The following NECAP1 variants were observed in gnomAD, a reference collection of about 807,000 sequenced individuals.
NECAP1 encodes NECAP endocytosis associated 1, also known as adaptin ear-binding coat-associated protein 1.
NECAP1 carries 13 observed loss-of-function variants against 33.4 expected under a neutral mutation model. The observed-to-expected ratio is 0.39, with a 90% CI of 0.25 to 0.62. The LOEUF (loss-of-function observed/expected upper bound fraction) is 0.62, where lower values mean the gene tolerates loss of function less well. Among genes scored for constraint, NECAP1 ranks in the 20% least tolerant of loss-of-function variants. The pLI, the probability that NECAP1 is intolerant of heterozygous loss-of-function variation, is 0.52. For synonymous variants in NECAP1, 109 were observed against 125.2 expected, an observed-to-expected ratio of 0.87 and a Z score of 0.86; for missense variants, 272 against 347.4, an observed-to-expected ratio of 0.78 and a Z score of 1.73.
In NECAP1 at chr12:8,095,638, G is replaced by A. The variant is rs759118416; in HGVS notation, c.714G>A (p.Thr238=). ...ATTTGGATTCTCCTGCTCCTGTCAC[G>A]ACACCAGCACCAACTCCAGTTTCTG... is the stretch of plus-strand genomic sequence containing the variant. ...LLDLDSPAPV[T]TPAPTPVSVS... The change falls in exon 7 of 8, where the codon ACG becomes ACA. Residue 238 remains threonine (T), a synonymous_variant. Transcript: ENST00000339754. The A allele has an allele frequency of 3.2e-5, 52 of 1,613,692 alleles. No individual in the cohort carries two copies. In the Admixed American group the frequency reaches 7.2e-4, roughly 22 times the overall value.
chr12:8,090,973 T>C (rs1441940414), intron 3 of NECAP1: 1 of 152,590 alleles, frequency 6.6e-6, no homozygotes, highest in African/African-American at 2.4e-5. Flanking sequence ...GTTTTGCAGG[T>C]CAGGTGGCCT....
chr12:8,087,461 A>C (rs774907988), intron 1 of NECAP1, among the ~76,000 whole-genome samples: 6 of 151,152 alleles, frequency 4.0e-5, no homozygotes, highest in Non-Finnish European at 8.8e-5. Flanking sequence ...ATCGGACACT[A>C]GATACACAAG....
intron 2 of NECAP1, 75 bp downstream of exon 2, chr12:8,090,111 G>C (rs1947529422): frequency 6.3e-7 from 1 of 1,576,998 alleles, no homozygotes; most frequent in African/African-American, 1.4e-5. Flanking sequence ...TCAATTTGGG[G>C]ACTGGAATGG....
At chr12:8,093,177 C>G (rs1947565270) in intron 6 of NECAP1, 122 bp downstream of exon 6, 1 of 947,754 alleles carries the variant, frequency 1.1e-6, no homozygotes, top group Non-Finnish European at 1.6e-6. Context: ...CAAGGTGATT[C>G]TGTCAGCTTC....
intron 1 of NECAP1, among the ~76,000 whole-genome samples, chr12:8,085,686 CTTTTTTTTTTTTTTTT>C (rs554942626): frequency 2.9e-5 from 3 of 104,810 alleles, no homozygotes; most frequent in African/African-American, 4.2e-5. Context: ...ACTTAATCTT[CTTTTTTTTTTTTTTTT>C]TTTTTTTTTT....
chr12:8,096,042 C>T lies in NECAP1; in HGVS notation c.780C>T (p.Ser260=). The T allele has an allele frequency of 6.2e-7, 1 of 1,614,164 alleles. No homozygotes were observed. The highest frequency in any genetic ancestry group is 8.5e-7 in the Non-Finnish European group (1 of 1,180,014). Residue 260 remains serine (S), a splice_region_variant and synonymous_variant, in exon 8 of 8, where the codon AGC becomes AGT. Coordinates refer to ENST00000339754, the MANE Select transcript of NECAP1 (RefSeq NM_015509.4). ...DLWGDFSTAS[S]SVPNQAPQPS... ...CTTTCTCTGTTCTCCTGTCTTGCAG[C>T]TCTGTTCCAAACCAGGCACCACAGC...
At position 8,089,954 on chromosome 12, in the gene NECAP1, A is replaced by G. The variant is rs141295769; in HGVS notation, c.114A>G (p.Leu38=). The change falls in exon 2 of 8, where the codon TTA becomes TTG. Residue 38 remains leucine, a synonymous_variant. Coordinates refer to ENST00000339754, the MANE Select transcript of NECAP1 (RefSeq NM_015509.4). ...GTCCTAGGGCCTCTGACTGGAAATT[A>G]GACCAGCCTGATTGGACTGGTCGCC... ...NRGYRASDWK[L]DQPDWTGRLR... is the part of the protein sequence containing the mutation. 143 of 1,614,062 alleles carry G rather than the reference A, an allele frequency of 8.9e-5. No individual in the cohort carries two copies. Among genetic ancestry groups the G allele is most frequent in the Admixed American group, 1.2e-4 (7 of 60,012 alleles).
intron 1 of NECAP1, 74 bp downstream of exon 1, chr12:8,082,457 G>C (rs1415967936): frequency 4.3e-5 from 58 of 1,355,572 alleles, no homozygotes; most frequent in Non-Finnish European, 6.0e-5. Flanking sequence ...CTAGCACGCT[G>C]TCCGTCCCTG....
intron 4 of NECAP1, 109 bp from the exon 5 acceptor site, chr12:8,092,567 A>G (rs1480174323): frequency 4.1e-6 from 3 of 731,526 alleles, no homozygotes. Context: ...TTTATCTCTC[A>G]CTGTGTTTTC....
At chr12:8,086,209 G>A (rs1947488751) in intron 1 of NECAP1, among the ~76,000 whole-genome samples, 2 of 152,132 alleles carry the variant, frequency 1.3e-5, no homozygotes, top group Non-Finnish European at 2.9e-5. Flanking sequence ...TTGAGTGACT[G>A]GTAAGATTAG....
chr12:8,086,885 C>T lies in NECAP1; in HGVS notation c.96-3051C>T, dbSNP rs777506965. 7.9e-5 allele frequency among the ~76,000 whole-genome samples: 12 copies of T among 151,384 alleles called. No homozygotes were observed. In the East Asian group the frequency reaches 1.2e-3, roughly 15 times the overall value. ...ACCCGAGGTTGCAGTTAGCCAAGAT[C>T]GCGCCATTGCACTCCAGCCTGGGTG... On this transcript the variant is annotated intron_variant, in intron 1 of 7. Coordinates refer to ENST00000339754, the MANE Select transcript of NECAP1 (RefSeq NM_015509.4).
At chr12:8,094,598 C>T (rs1463230102) in intron 6 of NECAP1, 1 of 152,308 alleles carries the variant, frequency 6.6e-6, no homozygotes, top group Non-Finnish European at 1.5e-5. Context: ...TCCCAAACAT[C>T]TGGGACTACA....
At chr12:8,082,757 T>TCTCTCTC in intron 1 of NECAP1, 1 of 134,060 alleles carries the variant, frequency 7.5e-6, no homozygotes, top group Admixed American at 8.3e-5. Flanking sequence ...TCCTCATCCT[T>TCTCTCTC]TCTCTCTCTC....
At chr12:8,089,681 T>C in intron 1 of NECAP1, 1 of 440,418 alleles carries the variant, frequency 2.3e-6, no homozygotes, top group Non-Finnish European at 4.0e-6. Flanking sequence ...TTTTTATTGC[T>C]TTTATTCGTG....
At chr12:8,083,146 T>G (rs948893216) in intron 1 of NECAP1, among the ~76,000 whole-genome samples, 2 of 152,172 alleles carry the variant, frequency 1.3e-5, no homozygotes, top group Admixed American at 1.3e-4. Context: ...ACCTACCTTG[T>G]AATCCAATGA....
At chr12:8,091,014 G>A (rs1329486408) in intron 3 of NECAP1, 4 of 152,530 alleles carry the variant, frequency 2.6e-5, no homozygotes, top group Non-Finnish European at 5.9e-5. Flanking sequence ...TGCTGTTGTA[G>A]TGTGAAATCA....
intron 1 of NECAP1, chr12:8,088,817 G>A (rs1844739967): frequency 6.6e-6 from 1 of 152,108 alleles, no homozygotes. Flanking sequence ...TCTCAAACAT[G>A]CCAGGCATGC....
chr12:8,083,636 G>T (rs1947463249), intron 1 of NECAP1, among the ~76,000 whole-genome samples: 1 of 151,292 alleles, frequency 6.6e-6, no homozygotes, highest in Non-Finnish European at 1.5e-5. Flanking sequence ...CACCAAGTTG[G>T]CCAGGCTGGT....
rs1218509941 is a variant in NECAP1, at chr12:8,091,788, C to T, written c.321C>T (p.Gly107=). The change falls in exon 4 of 8, where the codon GGC becomes GGT. Residue 107 remains glycine (G), a synonymous_variant. Transcript: ENST00000339754. ...QDGTGRSAFI[G]IGFTDRGDAF... is the part of the protein sequence containing the mutation. The stretch of plus-strand genomic sequence containing the variant: ...CCACAGGGCGCAGTGCTTTCATTGG[C>T]ATTGGCTTCACAGATCGGGGAGATG... The T allele has an allele frequency of 1.2e-6, 2 of 1,614,068 alleles. No homozygotes were observed. Among genetic ancestry groups the T allele is most frequent in the Middle Eastern group, 1.7e-4 (1 of 6,056 alleles).
Sources: gnomAD v4.1 joint callset for allele counts (sites outside exome capture counted in the v4.1 genomes callset) on GRCh38, gnomAD v4.1.1 for gene constraint, MANE v1.5 for transcripts, NCBI Gene and HGNC (gene_info 2026-07-23, HGNC 2026-07-21) for gene names.